The following LIPA variants were observed in gnomAD, a reference collection of about 807,000 sequenced individuals.
LIPA encodes lipase A, lysosomal acid type.
Under a neutral mutation model 40.6 loss-of-function variants are expected in LIPA, and 26 were observed. The ratio of observed to expected loss-of-function variants is 0.64; its 90% CI spans 0.47 to 0.89. The LOEUF is 0.89. Ranked by LOEUF, LIPA falls within the 40% of genes least tolerant of loss-of-function variation. The pLI is 0.00. For missense variants in LIPA, 455 were observed against 479.6 expected (o/e 0.95, Z 0.48); for synonymous variants, 188 against 168.4 (o/e 1.12, Z -0.90).
intron 2 of LIPA, among the ~76,000 whole-genome samples, chr10:89,359,304 AAAAT>A (rs901759779): frequency 1.4e-4 from 21 of 152,372 alleles, no homozygotes; most frequent in Non-Finnish European, 2.9e-4. Context: ...ATGTCTCAAT[AAAAT>A]AAATAAATTG....
chr10:89,287,357 T>C (rs1284895313), intron 1 of LIPA, among the ~76,000 whole-genome samples: 1 of 152,222 alleles, frequency 6.6e-6, no homozygotes, highest in Non-Finnish European at 1.5e-5. Context: ...GCCAGGCTTC[T>C]AAACCTCTTA....
intron 1 of LIPA, among the ~76,000 whole-genome samples, chr10:89,283,120 C>T (rs1222328853): frequency 1.3e-5 from 2 of 152,202 alleles, no homozygotes; most frequent in African/African-American, 4.8e-5. Flanking sequence ...ACATAGTAAA[C>T]TATAACCTAA....
At chr10:89,394,660 AT>A (rs1157669915) in intron 2 of LIPA, among the ~76,000 whole-genome samples, 1 of 142,142 alleles carries the variant, frequency 7.0e-6, no homozygotes, top group Non-Finnish European at 1.5e-5. Context: ...TAGCAATGTG[AT>A]TTTTTATTGT....
intron 2 of LIPA, chr10:89,405,653 T>TCC (rs1229324854): frequency 1.3e-5 from 2 of 152,204 alleles, no homozygotes; most frequent in African/African-American, 4.8e-5. Flanking sequence ...AATTCTTTCA[T>TCC]CCATCTTAAA....
intron 2 of LIPA, among the ~76,000 whole-genome samples, chr10:89,357,104 G>T (rs1488863014): frequency 6.6e-6 from 1 of 152,166 alleles, no homozygotes; most frequent in Non-Finnish European, 1.5e-5. Flanking sequence ...GTTGAAAGGG[G>T]TCTGTTATGA....
In LIPA at chr10:89,240,906, T is replaced by G. The variant is rs1304515245; in HGVS notation, c.229+4770A>C. ...AGACTGCAGCCTGGAGCTAAAGCAA[T>G]TTACCAAGTAAAGAGAATCAGAAAA... is the stretch of plus-strand genomic sequence containing the variant. On this transcript the variant is annotated intron_variant, in intron 3 of 9. Transcript: ENST00000336233. 4.6e-5 allele frequency among the ~76,000 whole-genome samples: 7 copies of G among 152,178 alleles called. No homozygotes were observed. The East Asian group carries it at 1.4e-3, about 29-fold the overall frequency.
intron 2 of LIPA, among the ~76,000 whole-genome samples, chr10:89,357,025 A>T (rs1489668309): frequency 2.0e-5 from 3 of 152,128 alleles, no homozygotes; most frequent in Non-Finnish European, 4.4e-5. Flanking sequence ...CTTTTTGGCA[A>T]CCAGCCCACA....
At chr10:89,312,174 C>T (rs1589597802) in intron 1 of LIPA, among the ~76,000 whole-genome samples, 2 of 152,208 alleles carry the variant, frequency 1.3e-5, no homozygotes, top group Non-Finnish European at 2.9e-5. Flanking sequence ...GGTGCAGTGG[C>T]TCACACCTGT....
intron 5 of LIPA, among the ~76,000 whole-genome samples, chr10:89,225,780 G>C (rs1454851664): frequency 6.6e-6 from 1 of 152,154 alleles, no homozygotes; most frequent in Non-Finnish European, 1.5e-5. Context: ...GAGGGACCTG[G>C]TGGGAGATAA....
At chr10:89,383,273 C>T (rs757818848) in intron 2 of LIPA, 1 of 1,516,644 alleles carries the variant, frequency 6.6e-7, no homozygotes, top group Non-Finnish European at 9.0e-7. Flanking sequence ...TTTCAGTGGA[C>T]TGAATACTTT....
At chr10:89,381,607 A>G (rs1468554786) in intron 2 of LIPA, among the ~76,000 whole-genome samples, 1 of 152,158 alleles carries the variant, frequency 6.6e-6, no homozygotes, top group Non-Finnish European at 1.5e-5. Context: ...GGAGGGTCTA[A>G]GCATAGTAGG....
In LIPA at chr10:89,240,073, C is replaced by G. The variant is rs139833389; in HGVS notation, c.229+5603G>C. 8.7e-4 allele frequency among the ~76,000 whole-genome samples: 133 copies of G among 152,344 alleles called. 2 individuals are homozygous for G. The highest frequency in any genetic ancestry group is 3.0e-3 in the African/African-American group (126 of 41,578). ...CTCAACAGAAGGAGCAGAGGGTCCA[C>G]AGAAGAAAGCACCTGCAGGGGACAC... On this transcript the variant is annotated intron_variant, in intron 3 of 9. Coordinates refer to ENST00000336233, the MANE Select transcript of LIPA (RefSeq NM_000235.4).
intron 2 of LIPA, chr10:89,402,253 CAA>C (rs1258652336): frequency 6.8e-7 from 1 of 1,477,882 alleles, no homozygotes; most frequent in Non-Finnish European, 9.2e-7. Context: ...CCTCACCTAA[CAA>C]AGAAAATCTG....
chr10:89,392,862 C>A lies in LIPA; in HGVS notation c.61+19929G>T. ...TATCTGCTTATGGACTGAATGTGTGCATGCATGTGTGTGCACGTTCACACA... is the reference window on the plus strand; with the variant it reads ...TATCTGCTTATGGACTGAATGTGTGAATGCATGTGTGTGCACGTTCACACA... On this transcript the variant is annotated intron_variant, in intron 2 of 8. Coordinates refer to the LIPA transcript ENST00000371837. 5 of 819,650 alleles carry A rather than the reference C, an allele frequency of 6.1e-6. No individual in the cohort carries two copies. In the South Asian group the frequency reaches 6.2e-5, roughly 10 times the overall value. The allele number at this position is 819,650 out of a possible 1,614,324, so 50.8% of individuals were successfully genotyped here.
At chr10:89,369,221 G>C (rs962178281) in intron 2 of LIPA, among the ~76,000 whole-genome samples, 2 of 152,182 alleles carry the variant, frequency 1.3e-5, no homozygotes, top group Non-Finnish European at 2.9e-5. Flanking sequence ...TCAGGGAAGA[G>C]AAACTCAGTC....
chr10:89,359,552 G>T (rs886684960), intron 2 of LIPA, among the ~76,000 whole-genome samples: 26 of 152,156 alleles, frequency 1.7e-4, no homozygotes, highest in African/African-American at 5.8e-4. Flanking sequence ...AAAATGCTCA[G>T]GTGTGTCCAG....
intron 1 of LIPA, among the ~76,000 whole-genome samples, chr10:89,282,825 G>A (rs1310637560): frequency 6.6e-6 from 1 of 152,142 alleles, no homozygotes; most frequent in Non-Finnish European, 1.5e-5. Context: ...AAACTATATA[G>A]TTTAGATCCA....
chr10:89,394,608 AT>A (rs1844312230), intron 2 of LIPA, among the ~76,000 whole-genome samples: 1 of 20,864 alleles, frequency 4.8e-5, no homozygotes, highest in Admixed American at 4.1e-4. Context: ...ATATATATAT[AT>A]ATATATATAT....
At chr10:89,248,495 G>C (rs1189189002) in intron 1 of LIPA, among the ~76,000 whole-genome samples, 4 of 124,810 alleles carry the variant, frequency 3.2e-5, no homozygotes. Flanking sequence ...TTTATTTTGA[G>C]GCTGAGTCTC....
Sources: gnomAD v4.1 joint callset for allele counts (sites outside exome capture counted in the v4.1 genomes callset) on GRCh38, gnomAD v4.1.1 for gene constraint, MANE v1.5 for transcripts, NCBI Gene and HGNC (gene_info 2026-07-23, HGNC 2026-07-21) for gene names.